The following PCLO variants were observed in gnomAD, a reference collection of about 807,000 sequenced individuals.
PCLO encodes protein piccolo.
A neutral mutation model predicts 427.5 loss-of-function variants in PCLO; 82 were observed. That is an observed-to-expected ratio of 0.19 (90% CI 0.16 to 0.23). The LOEUF (loss-of-function observed/expected upper bound fraction) is 0.23. Ranked by LOEUF, PCLO falls within the 10% of genes least tolerant of loss-of-function variation. The pLI, the probability that PCLO is intolerant of heterozygous loss-of-function variation, is 1.00. For synonymous variants in PCLO, 2,357 were observed against 2,155.4 expected (o/e 1.09, Z -2.59); for missense variants, 6,239 against 6,115.9 (o/e 1.02, Z -0.67).
intron 3 of PCLO, among the ~76,000 whole-genome samples, chr7:83,037,051 A>T (rs1410680243): frequency 6.6e-6 from 1 of 152,180 alleles, no homozygotes; most frequent in East Asian, 1.9e-4. Flanking sequence ...GTACAAGAAA[A>T]ATAACTATTC....
chr7:82,883,801 C>T (rs117231239), intron 9 of PCLO, among the ~76,000 whole-genome samples: 3,622 of 152,220 alleles, frequency 0.024, 51 homozygotes, highest in Non-Finnish European at 0.036. Context: ...GATGGACTCT[C>T]GCTCTGTTCC....
In PCLO at chr7:83,155,075, T is replaced by C; in HGVS notation, c.1566A>G (p.Gln522=). 4 of 1,609,614 alleles carry C rather than the reference T, an allele frequency of 2.5e-6. No homozygotes were observed. The highest frequency in any genetic ancestry group is 3.4e-6 in the Non-Finnish European group (4 of 1,178,328). ...ATGGGGGTTTTGTTGAGCCAGGCTGTTGAGGTGAGGGCTTTGCTGGGCCAG... is the reference window on the plus strand; with the variant it reads ...ATGGGGGTTTTGTTGAGCCAGGCTGCTGAGGTGAGGGCTTTGCTGGGCCAG... The part of the protein sequence containing the change: ...QQPGPAKPSP[Q]QPGSTKPPSQ... Residue 522 remains glutamine, a synonymous_variant, in exon 2 of 25, where the codon CAA becomes CAG. Transcript: ENST00000333891.
chr7:82,924,986 T>G (rs538212498), intron 6 of PCLO, among the ~76,000 whole-genome samples: 1 of 152,260 alleles, frequency 6.6e-6, no homozygotes, highest in East Asian at 1.9e-4. Context: ...TAAAGAGAAC[T>G]TGAGAATGGA....
At chr7:83,124,720 CTCTCCG>C (rs1180371726) in intron 3 of PCLO, among the ~76,000 whole-genome samples, 2 of 152,070 alleles carry the variant, frequency 1.3e-5, no homozygotes, top group African/African-American at 2.4e-5. Context: ...CTCCCTCTCC[CTCTCCG>C]TCGTCTCCAT....
At position 82,835,681 on chromosome 7, in the gene PCLO, A is replaced by G; in HGVS notation, c.14235T>C (p.Val4745=). The G allele has an allele frequency of 6.2e-7, 1 of 1,610,020 alleles. No homozygotes were observed. Among genetic ancestry groups the G allele is most frequent in the Non-Finnish European group, 8.5e-7 (1 of 1,177,856 alleles). Residue 4745 remains valine (V), a synonymous_variant, in exon 16 of 25, where the codon GTT becomes GTC. Transcript: ENST00000333891. ...AACAACTCTACCTTGCATTCTGGACAACCATGACTTGACTGCATTGATTCC... is the reference window on the plus strand; with the variant it reads ...AACAACTCTACCTTGCATTCTGGACGACCATGACTTGACTGCATTGATTCC... The part of the protein sequence containing the change: ...YLLPGRGQVM[V]VQNASAEYKR...
At chr7:83,132,553 C>T (rs1413839637) in intron 3 of PCLO, among the ~76,000 whole-genome samples, 2 of 152,076 alleles carry the variant, frequency 1.3e-5, no homozygotes, top group Non-Finnish European at 2.9e-5. Context: ...CCAAGGAACT[C>T]TCATTAGACT....
intron 9 of PCLO, among the ~76,000 whole-genome samples, chr7:82,892,609 G>A (rs1215669360): frequency 6.6e-6 from 1 of 151,900 alleles, no homozygotes; most frequent in Non-Finnish European, 1.5e-5. Context: ...CTTCTGCACA[G>A]CAAAAGAAAC....
intron 14 of PCLO, 113 bp from the exon 15 acceptor site, chr7:82,838,455 T>C (rs1443249369): frequency 1.6e-6 from 1 of 631,224 alleles, no homozygotes; most frequent in African/African-American, 1.9e-5. Context: ...TCAACTTTCA[T>C]TTTCATTTTA....
chr7:83,073,954 CAATTA>C (rs1789884199), intron 3 of PCLO, among the ~76,000 whole-genome samples: 1 of 151,594 alleles, frequency 6.6e-6, no homozygotes. Flanking sequence ...AAAACTTCTA[CAATTA>C]AATCTCAATA....
chr7:82,908,411 A>G (rs1204856632), intron 8 of PCLO, among the ~76,000 whole-genome samples: 7 of 152,116 alleles, frequency 4.6e-5, no homozygotes, highest in African/African-American at 1.7e-4. Flanking sequence ...ATTTCCATAT[A>G]ATAGATCCAC....
intron 22 of PCLO, among the ~76,000 whole-genome samples, chr7:82,782,807 T>G (rs1416733582): frequency 6.6e-6 from 1 of 152,226 alleles, no homozygotes; most frequent in African/African-American, 2.4e-5. Flanking sequence ...TATTAGTATA[T>G]ACAGAGATGC....
intron 3 of PCLO, among the ~76,000 whole-genome samples, chr7:83,009,026 T>C (rs1405405304): frequency 6.6e-6 from 1 of 151,650 alleles, no homozygotes; most frequent in Non-Finnish European, 1.5e-5. Flanking sequence ...TCTATACCCA[T>C]AAATATCCCA....
intron 1 of PCLO, among the ~76,000 whole-genome samples, chr7:83,161,722 A>G (rs971544586): frequency 4.6e-5 from 7 of 152,348 alleles, no homozygotes; most frequent in Middle Eastern, 3.4e-3. Flanking sequence ...ATTTAGAAAT[A>G]TATGTACAGC....
intron 20 of PCLO, among the ~76,000 whole-genome samples, chr7:82,809,408 G>C (rs1474738402): frequency 1.3e-5 from 2 of 151,458 alleles, no homozygotes; most frequent in African/African-American, 2.4e-5. Context: ...AAAGTTATCT[G>C]TAAAGGCCTA....
intron 13 of PCLO, among the ~76,000 whole-genome samples, chr7:82,843,910 C>T (rs1372746705): frequency 6.6e-6 from 1 of 152,006 alleles, no homozygotes; most frequent in African/African-American, 2.4e-5. Context: ...AAGTGCTCTG[C>T]CTCTCCTGGC....
chr7:83,125,707 G>A (rs548216346), intron 3 of PCLO, among the ~76,000 whole-genome samples: 18 of 151,838 alleles, frequency 1.2e-4, no homozygotes, highest in African/African-American at 3.9e-4. Flanking sequence ...AAGAGTCATC[G>A]CCACGCCCTA....
rs193018796 is a variant in PCLO at position 83,138,515 on chromosome 7, G to A, written c.1894-2859C>T. Among the ~76,000 whole-genome samples, 3 of 152,158 alleles carry A rather than the reference G, an allele frequency of 2.0e-5. 1 individual carries two copies. In the East Asian group the frequency reaches 5.8e-4, roughly 29 times the overall value. On this transcript the variant is annotated intron_variant, in intron 2 of 24. Transcript: ENST00000333891. ...GTCTCTATTACAAATACAAAAATTA[G>A]CCAGGTGTAGTGGTGCATGCCTGCA...
Position 83,153,431 on chromosome 7 carries a change from A to G in PCLO, c.1893+1317T>C, listed in dbSNP as rs371759344. 6.6e-5 allele frequency among the ~76,000 whole-genome samples: 10 copies of G among 152,274 alleles called. 1 individual carries two copies. The highest frequency in any genetic ancestry group is 4.6e-4 in the Admixed American group (7 of 15,284). ...ATATTTTAAATTTGCATCATTTTTCATAAGTATCCACATTAACATAAATTA... is the reference window on the plus strand; with the variant it reads ...ATATTTTAAATTTGCATCATTTTTCGTAAGTATCCACATTAACATAAATTA... On this transcript the variant is annotated intron_variant, in intron 2 of 24. Coordinates refer to ENST00000333891, the MANE Select transcript of PCLO (RefSeq NM_033026.6).
intron 2 of PCLO, among the ~76,000 whole-genome samples, chr7:83,145,532 A>G (rs989231027): frequency 6.6e-6 from 1 of 152,088 alleles, no homozygotes; most frequent in African/African-American, 2.4e-5. Flanking sequence ...AGCGAATCTC[A>G]CTTCTTGTAT....
Sources: gnomAD v4.1 joint callset for allele counts (sites outside exome capture counted in the v4.1 genomes callset) on GRCh38, gnomAD v4.1.1 for gene constraint, MANE v1.5 for transcripts, NCBI Gene and HGNC (gene_info 2026-07-23, HGNC 2026-07-21) for gene names.